Variants in FAM78A observed in about 807,000 individuals in gnomAD.
FAM78A encodes the protein family with sequence similarity 78 member A.
A neutral mutation model predicts 22.6 loss-of-function variants in FAM78A; 12 were observed. The ratio of observed to expected loss-of-function variants is 0.53; its 90% CI spans 0.34 to 0.86. FAM78A has a LOEUF of 0.86. Ranked by LOEUF, FAM78A falls within the 40% of genes least tolerant of loss-of-function variation. The pLI, the probability that FAM78A is intolerant of heterozygous loss-of-function variation, is 0.02. For missense variants in FAM78A, 322 were observed against 396.1 expected (o/e 0.81, Z 1.59); for synonymous variants, 151 against 155.8 (o/e 0.97, Z 0.23).
chr9:131,276,190 G>C lies in FAM78A; in HGVS notation c.-11C>G. The C allele has an allele frequency of 6.2e-7, 1 of 1,607,428 alleles. No individual in the cohort carries two copies. Among genetic ancestry groups the C allele is most frequent in the Non-Finnish European group, 8.5e-7 (1 of 1,176,550 alleles). ...GAAAAAACCAGGCATTGAAAGGACA[G>C]AGGCTGCAGGACCCAGTACAGACGG... On this transcript the variant is annotated 5_prime_UTR_variant, in exon 1 of 2. Transcript: ENST00000372271. The surrounding 1 kb of genome is among the most constrained non-coding windows in gnomAD (Gnocchi z 4.3).
chr9:131,276,217 G>T lies in FAM78A; in HGVS notation c.-38C>A. ...GGCTGCAGGACCCAGTACAGACGGC[G>T]CTGCTCTCCAATCTCAACTCTCAAG... On this transcript the variant is annotated 5_prime_UTR_variant, in exon 1 of 2. Transcript: ENST00000372271. The surrounding 1 kb of genome is among the most constrained non-coding windows in gnomAD (Gnocchi z 4.3). 6.5e-7 allele frequency: 1 copy of T among 1,546,424 alleles called. No individual in the cohort carries two copies. The highest frequency in any genetic ancestry group is 8.8e-7 in the Non-Finnish European group (1 of 1,134,310).
In FAM78A at chr9:131,270,652, T is replaced by C. The variant is rs1013243139; in HGVS notation, c.323+5205A>G. 1.1e-5 allele frequency: 7 copies of C among 629,850 alleles called. No homozygotes were observed. The Admixed American group carries it at 1.6e-4, about 15-fold the overall frequency. 39.0% of individuals were successfully genotyped at this position (629,850 alleles called of 1,614,324 possible). A position where few individuals can be genotyped will look rare whatever the true frequency, so the allele number is the denominator to read the frequency against. On this transcript the variant is annotated intron_variant, in intron 1 of 1. Transcript: ENST00000372271. ...CTTGCCTCCGCCAGGGCCCAGCAGATGGGGGAGGCCGCCTTCCGGTTACAG... is the reference window on the plus strand; with the variant it reads ...CTTGCCTCCGCCAGGGCCCAGCAGACGGGGGAGGCCGCCTTCCGGTTACAG...
At chr9:131,270,448 G>A in intron 1 of FAM78A, 1 of 717,414 alleles carries the variant, frequency 1.4e-6, no homozygotes, top group Non-Finnish European at 2.6e-6. Context: ...CGGCTGTTGA[G>A]TGACGCCTCA....
chr9:131,272,625 C>T lies in FAM78A; in HGVS notation c.323+3232G>A, dbSNP rs893350032. On this transcript the variant is annotated intron_variant, in intron 1 of 1. Coordinates refer to ENST00000372271, the MANE Select transcript of FAM78A (RefSeq NM_033387.4). This position sits in a 1 kb window ranked among gnomAD's most constrained non-coding sequence, Gnocchi z 4.1. Reference sequence around the variant, plus strand: ...GGAAGTCATCACAGGAGGCCTGGGGCAGGGGAGACAGGAAGGGGGTTTTAA... The same window carrying T: ...GGAAGTCATCACAGGAGGCCTGGGGTAGGGGAGACAGGAAGGGGGTTTTAA... Among the ~76,000 whole-genome samples, 6 of 152,154 alleles carry T rather than the reference C, an allele frequency of 3.9e-5. No individual in the cohort carries two copies. The highest frequency in any genetic ancestry group is 7.3e-5 in the Non-Finnish European group (5 of 68,028).
In FAM78A at chr9:131,260,515, A is replaced by G. The variant is rs1835249276; in HGVS notation, c.*307T>C. On this transcript the variant is annotated 3_prime_UTR_variant, in exon 2 of 2. Coordinates refer to ENST00000372271, the MANE Select transcript of FAM78A (RefSeq NM_033387.4). The surrounding 1 kb of genome is among the most constrained non-coding windows in gnomAD (Gnocchi z 5.4). ...AGGAGTTTTTTTAAAAAACGGAAAA[A>G]GCAGTGTTTCAGGGAATCTGTTACA... is the stretch of plus-strand genomic sequence containing the variant. 1 of 272,204 alleles carries G rather than the reference A, an allele frequency of 3.7e-6. No individual in the cohort carries two copies. Among genetic ancestry groups the G allele is most frequent in the African/African-American group, 2.2e-5 (1 of 45,532 alleles). The allele number at this position is 272,204 out of a possible 1,614,324, so 16.9% of individuals were successfully genotyped here.
chr9:131,264,287 C>T, intron 1 of FAM78A: 1 of 384,662 alleles, frequency 2.6e-6, no homozygotes, highest in Non-Finnish European at 4.7e-6. Context: ...AGTCCTGAAA[C>T]TCCCAGGCCC....
At position 131,272,714 on chromosome 9, in the gene FAM78A, T is replaced by C. The variant is rs535010613; in HGVS notation, c.323+3143A>G. On this transcript the variant is annotated intron_variant, in intron 1 of 1. Coordinates refer to ENST00000372271, the MANE Select transcript of FAM78A (RefSeq NM_033387.4). The surrounding 1 kb of genome is among the most constrained non-coding windows in gnomAD (Gnocchi z 4.1). The stretch of plus-strand genomic sequence containing the variant: ...GGGAGGCCAAGGCAGGCAGATCACC[T>C]GAGGTCAGGAGTTCGAGACCATCCT... Among the ~76,000 whole-genome samples the C allele has an allele frequency of 6.6e-6, 1 of 152,292 alleles. No individual in the cohort carries two copies. Among genetic ancestry groups the C allele is most frequent in the South Asian group, 2.1e-4 (1 of 4,824 alleles).
rs1176776362 is a variant in FAM78A at position 131,272,742 on chromosome 9, C to G, written c.323+3115G>C. On this transcript the variant is annotated intron_variant, in intron 1 of 1. Coordinates refer to ENST00000372271, the MANE Select transcript of FAM78A (RefSeq NM_033387.4). This position sits in a 1 kb window ranked among gnomAD's most constrained non-coding sequence, Gnocchi z 4.1. ...GGTCAGGAGTTCGAGACCATCCTGG[C>G]CAACGCGGTGAAACCCCGTCTCTAC... 4.6e-5 allele frequency among the ~76,000 whole-genome samples: 7 copies of G among 152,086 alleles called. No homozygotes were observed. The highest frequency in any genetic ancestry group is 1.4e-4 in the African/African-American group (6 of 41,406).
At position 131,274,668 on chromosome 9, in the gene FAM78A, T is replaced by G. The variant is rs1283265012; in HGVS notation, c.323+1189A>C. ...AGTAGAGAAGCCACCAGACTTGGTG[T>G]CCCGCCATCCTCCACCCCTCTCATT... On this transcript the variant is annotated intron_variant, in intron 1 of 1. Coordinates refer to ENST00000372271, the MANE Select transcript of FAM78A (RefSeq NM_033387.4). This position sits in a 1 kb window ranked among gnomAD's most constrained non-coding sequence, Gnocchi z 4.2. Among the ~76,000 whole-genome samples the G allele has an allele frequency of 6.6e-6, 1 of 152,186 alleles. No homozygotes were observed. The highest frequency in any genetic ancestry group is 1.5e-5 in the Non-Finnish European group (1 of 68,030).
chr9:131,271,316 G>A (rs1175161935), intron 1 of FAM78A, among the ~76,000 whole-genome samples: 1 of 152,184 alleles, frequency 6.6e-6, no homozygotes, highest in Non-Finnish European at 1.5e-5. Context: ...ACAGCAACGA[G>A]GCAGCCACCT....
At chr9:131,269,624 G>A (rs546724891) in intron 1 of FAM78A, among the ~76,000 whole-genome samples, 10 of 152,072 alleles carry the variant, frequency 6.6e-5, no homozygotes, top group East Asian at 1.9e-4. Flanking sequence ...TTAAAGGCAC[G>A]CACCACCACA....
chr9:131,276,058 A>G lies in FAM78A; in HGVS notation c.122T>C (p.Ile41Thr). 2 of 1,613,744 alleles carry G rather than the reference A, an allele frequency of 1.2e-6. No individual in the cohort carries two copies. Among genetic ancestry groups the G allele is most frequent in the Non-Finnish European group, 8.5e-7 (1 of 1,180,014 alleles). The change falls in exon 1 of 2, where the codon ATT becomes ACT. Residue 41 changes from isoleucine to threonine, a missense_variant. Ile to Thr is a moderately conservative substitution (Grantham distance 89). Coordinates refer to ENST00000372271, the MANE Select transcript of FAM78A (RefSeq NM_033387.4). The surrounding 1 kb of genome is among the most constrained non-coding windows in gnomAD (Gnocchi z 4.3). ...GGGGTCGATGGAGGCTTTCACATCA[A>G]TCACCGTGATCCCTTCCCGGAAGAC... is the stretch of plus-strand genomic sequence containing the variant. Reference protein sequence around the residue: ...ARVFREGITVIDVKASIDPVP... With the variant: ...ARVFREGITVTDVKASIDPVP...
intron 1 of FAM78A, among the ~76,000 whole-genome samples, chr9:131,269,061 A>G (rs1588199071): frequency 1.4e-5 from 2 of 143,830 alleles, no homozygotes; most frequent in East Asian, 4.1e-4. Context: ...AGATAGCACC[A>G]CTGCACTCCA....
rs1175310787 is a variant in FAM78A, at chr9:131,261,596, G to A, written c.324-246C>T. ...GCCGGCCTGGCCCAAGTTGCTCTAG[G>A]GACATACAGATCCCACACTCCCATG... On this transcript the variant is annotated intron_variant, in intron 1 of 1. Transcript: ENST00000372271. This position sits in a 1 kb window ranked among gnomAD's most constrained non-coding sequence, Gnocchi z 7.1. 6.6e-6 allele frequency among the ~76,000 whole-genome samples: 1 copy of A among 152,082 alleles called. No individual in the cohort carries two copies. Among genetic ancestry groups the A allele is most frequent in the African/African-American group, 2.4e-5 (1 of 41,404 alleles).
At chr9:131,269,258 CTTTTT>C (rs1377685974) in intron 1 of FAM78A, among the ~76,000 whole-genome samples, 1 of 152,110 alleles carries the variant, frequency 6.6e-6, no homozygotes, top group East Asian at 1.9e-4. Context: ...TCAGTATTTT[CTTTTT>C]AACAAAAATG....
At position 131,261,718 on chromosome 9, in the gene FAM78A, C is replaced by G. The variant is rs996275014; in HGVS notation, c.324-368G>C. ...TCACAGACAATCTTCTCCATGCAAC[C>G]CCACCCGGCAGATACAGAAAGTGAA... On this transcript the variant is annotated intron_variant, in intron 1 of 1. Transcript: ENST00000372271. This position sits in a 1 kb window ranked among gnomAD's most constrained non-coding sequence, Gnocchi z 7.1. Among the ~76,000 whole-genome samples, 7 of 152,244 alleles carry G rather than the reference C, an allele frequency of 4.6e-5. No individual in the cohort carries two copies. The highest frequency in any genetic ancestry group is 1.7e-4 in the African/African-American group (7 of 41,564).
At chr9:131,262,698 T>C (rs985062226) in intron 1 of FAM78A, 2 of 152,140 alleles carry the variant, frequency 1.3e-5, no homozygotes, top group African/African-American at 4.8e-5. Flanking sequence ...TACAATGGAA[T>C]GTTCTTCAGC....
chr9:131,280,286 T>C (rs938195551), upstream of FAM78A, among the ~76,000 whole-genome samples: 1 of 152,020 alleles, frequency 6.6e-6, no homozygotes, highest in African/African-American at 2.4e-5. Flanking sequence ...CCTCCGGCCC[T>C]GCCGCTTCCC....
chr9:131,277,102 CCGCCCCCCGCGCCCGCCCCGTCAGT>C (rs1417432253), upstream of FAM78A, among the ~76,000 whole-genome samples: 1 of 150,898 alleles, frequency 6.6e-6, no homozygotes, highest in Non-Finnish European at 1.5e-5. The surrounding 1 kb of genome is among the most constrained non-coding windows in gnomAD (Gnocchi z 8.4). Context: ...GCGGTGGCCC[CCGCCCCCCGCGCCCGCCCCGTCAGT>C]GGCGGCCGCA....
Sources: gnomAD v4.1 joint callset for allele counts (sites outside exome capture counted in the v4.1 genomes callset) on GRCh38, gnomAD v4.1.1 for gene constraint, Gnocchi (gnomAD v3.1) non-coding constraint, MANE v1.5 for transcripts, NCBI Gene and HGNC (gene_info 2026-07-23, HGNC 2026-07-21) for gene names.